MACF1: variants seen among roughly 807,000 people sequenced by gnomAD.
MACF1 encodes microtubule-actin cross-linking factor 1.
In MACF1, 193 loss-of-function variants were observed where a neutral mutation model predicts 854.8. The observed-to-expected ratio is 0.23, with a 90% CI of 0.20 to 0.25. The LOEUF (loss-of-function observed/expected upper bound fraction) is 0.25. Among genes scored for constraint, MACF1 ranks in the 10% least tolerant of loss-of-function variants. The probability of loss-of-function intolerance (pLI) is 1.00; values close to 1 mark genes in which losing one functional copy is unlikely to be tolerated. For synonymous variants in MACF1, 3,185 were observed against 3,226.7 expected, an observed-to-expected ratio of 0.99 and a Z score of 0.44; for missense variants, 7,722 against 8,929.1, an observed-to-expected ratio of 0.86 and a Z score of 5.45.
intron 2 of MACF1, among the ~76,000 whole-genome samples, chr1:39,117,808 G>A (rs1376627907): frequency 6.6e-6 from 1 of 152,188 alleles, no homozygotes; most frequent in Non-Finnish European, 1.5e-5. Context: ...AATAAAGAAT[G>A]TGTAAGCGGT....
Position 39,332,562 on chromosome 1 carries a change from C to T in MACF1, c.5974C>T (p.Leu1992=), listed in dbSNP as rs749622327. Residue 1992 remains leucine (L), a synonymous_variant, in exon 37 of 101, where the codon CTA becomes TTA. Coordinates refer to ENST00000564288, the MANE Select transcript of MACF1 (RefSeq NM_001394062.1). ...GTTAGATAAAGAGCTGATGGAGACA[C>T]TAACATCCAGAGATGAGTATCAAAC... The part of the protein sequence containing the change: ...LLLDKELMET[L]TSRDEYQTSP... 6.2e-6 allele frequency: 10 copies of T among 1,613,996 alleles called. No homozygotes were observed. The Admixed American group carries it at 1.5e-4, about 24-fold the overall frequency.
In MACF1 at chr1:39,432,589, C is replaced by T; in HGVS notation, c.17392C>T (p.Leu5798=). The T allele has an allele frequency of 6.2e-7, 1 of 1,614,084 alleles. No homozygotes were observed. Among genetic ancestry groups the T allele is most frequent in the Non-Finnish European group, 8.5e-7 (1 of 1,179,982 alleles). Residue 5798 remains leucine (L), a synonymous_variant, in exon 67 of 101, where the codon CTG becomes TTG. Transcript: ENST00000564288. ...TTGGGTTGCTGAAACAAAACGGAAA[C>T]TGATGGCTCTGGGTCCAATTCGCCT... ...LAWVAETKRK[L]MALGPIRLEQ...
chr1:39,097,973 G>A (rs956661667), intron 2 of MACF1, among the ~76,000 whole-genome samples: 1 of 152,034 alleles, frequency 6.6e-6, no homozygotes, highest in Non-Finnish European at 1.5e-5. Flanking sequence ...GTGAAGAGAA[G>A]TTTCATAGAT....
Position 39,456,312 on chromosome 1 carries a change from C to T in MACF1, c.21075+1215C>T, listed in dbSNP as rs1467248772. 9.9e-5 allele frequency among the ~76,000 whole-genome samples: 15 copies of T among 152,132 alleles called. No individual in the cohort carries two copies. In the East Asian group the frequency reaches 1.5e-3, roughly 16 times the overall value. ...TCGCACCATTGCACTCCAGCCTGGG[C>T]GACAGAGCAAGACTCCATTTCAAAA... On this transcript the variant is annotated intron_variant, in intron 89 of 100. Coordinates refer to ENST00000564288, the MANE Select transcript of MACF1 (RefSeq NM_001394062.1).
chr1:39,345,297 A>G (rs1400701001), intron 40 of MACF1, among the ~76,000 whole-genome samples: 1 of 152,232 alleles, frequency 6.6e-6, no homozygotes, highest in Admixed American at 6.5e-5. Context: ...AATAGTATAA[A>G]CAGCATCATT....
intron 2 of MACF1, among the ~76,000 whole-genome samples, chr1:39,111,297 A>G (rs1448029389): frequency 1.3e-5 from 2 of 152,128 alleles, no homozygotes; most frequent in Non-Finnish European, 2.9e-5. Flanking sequence ...CCGGGCTCAC[A>G]TGATCCTCCC....
intron 1 of MACF1, among the ~76,000 whole-genome samples, chr1:39,220,210 C>T (rs1254307542): frequency 6.6e-6 from 1 of 152,142 alleles, no homozygotes. Flanking sequence ...GAGTCTTGCT[C>T]TATTGCCCAG....
At chr1:39,462,805 C>G (rs1455199480) in intron 93 of MACF1, among the ~76,000 whole-genome samples, 1 of 152,082 alleles carries the variant, frequency 6.6e-6, no homozygotes, top group Admixed American at 6.5e-5. Context: ...TAAGAACTAC[C>G]ACATTGAAAC....
At position 39,333,834 on chromosome 1, in the gene MACF1, C is replaced by T. The variant is rs767522909; in HGVS notation, c.7246C>T (p.Arg2416Ter). 2.2e-5 allele frequency: 35 copies of T among 1,613,954 alleles called. No individual in the cohort carries two copies. Among genetic ancestry groups the T allele is most frequent in the South Asian group, 3.3e-5 (3 of 91,082 alleles). Residue 2416 changes from arginine (R) to a stop codon, truncating the protein, a stop_gained, in exon 37 of 101, where the codon CGA (arginine) becomes TGA (stop). Coordinates refer to ENST00000564288, the MANE Select transcript of MACF1 (RefSeq NM_001394062.1). LOFTEE classifies it high-confidence loss of function. ...GACTGGTGGAATTATTGATCTGAAA[C>T]GAGGCAAAAAAGTTTCAGTAACTTT... Reference protein sequence around the residue: ...VVTGGIIDLKRGKKVSVTLAS... With the variant: ...VVTGGIIDLK
At chr1:39,286,639 G>C (rs1645649899) in intron 14 of MACF1, among the ~76,000 whole-genome samples, 1 of 151,694 alleles carries the variant, frequency 6.6e-6, no homozygotes, top group Admixed American at 6.6e-5. Flanking sequence ...GCTAATTTTT[G>C]TATTTTTAGT....
intron 26 of MACF1, among the ~76,000 whole-genome samples, chr1:39,312,771 G>A (rs967409039): frequency 6.6e-6 from 1 of 150,764 alleles, no homozygotes; most frequent in African/African-American, 2.4e-5. Context: ...GTTGCAGTGA[G>A]CCGAGATCAC....
intron 49 of MACF1, 99 bp downstream of exon 49, chr1:39,361,776 G>A: frequency 9.2e-7 from 1 of 1,083,764 alleles, no homozygotes; most frequent in Non-Finnish European, 1.4e-6. Context: ...CAGTATACTG[G>A]AAACTACCTG....
intron 58 of MACF1, among the ~76,000 whole-genome samples, chr1:39,405,081 T>C (rs1642643405): frequency 6.6e-6 from 1 of 152,216 alleles, no homozygotes; most frequent in African/African-American, 2.4e-5. Flanking sequence ...TGAGAGTTCC[T>C]GCAGAGTGTG....
intron 40 of MACF1, among the ~76,000 whole-genome samples, chr1:39,345,072 T>C (rs554341756): frequency 2.6e-5 from 4 of 152,188 alleles, no homozygotes; most frequent in Non-Finnish European, 5.9e-5. Context: ...CCTTTCTGCC[T>C]GTTCTGCAGG....
Position 39,359,272 on chromosome 1 carries a change from G to A in MACF1, c.12244+8G>A. 6 of 1,614,020 alleles carry A rather than the reference G, an allele frequency of 3.7e-6. No individual in the cohort carries two copies. The highest frequency in any genetic ancestry group is 5.1e-6 in the Non-Finnish European group (6 of 1,179,982). On this transcript the variant is annotated splice_region_variant and intron_variant, in intron 47 of 100. Transcript: ENST00000564288. Reference sequence around the variant, plus strand: ...ATGTTCAAGAAACTACAGGTATAAAGCAGCAACAGTATAATAGTACTCCCT... The same window carrying A: ...ATGTTCAAGAAACTACAGGTATAAAACAGCAACAGTATAATAGTACTCCCT...
chr1:39,439,529 A>G (rs1386840682), intron 72 of MACF1, 29 bp downstream of exon 72: 11 of 1,568,718 alleles, frequency 7.0e-6, no homozygotes, highest in Non-Finnish European at 9.6e-6. Flanking sequence ...CCTTTTTCTT[A>G]GGTGTCTGTC....
At chr1:39,085,320 T>C (rs1641644255) in intron 2 of MACF1, among the ~76,000 whole-genome samples, 1 of 152,224 alleles carries the variant, frequency 6.6e-6, no homozygotes, top group African/African-American at 2.4e-5. Flanking sequence ...CATCCACAGC[T>C]GCCTCCCTGA....
chr1:39,299,631 C>T (rs746042673), intron 21 of MACF1, among the ~76,000 whole-genome samples: 58 of 152,174 alleles, frequency 3.8e-4, no homozygotes, highest in Non-Finnish European at 6.8e-4. Context: ...AATCATTTGT[C>T]ATGATACCTT....
intron 41 of MACF1, among the ~76,000 whole-genome samples, chr1:39,348,122 A>G (rs1449344134): frequency 1.3e-5 from 2 of 152,212 alleles, no homozygotes; most frequent in Non-Finnish European, 2.9e-5. Context: ...TAAGGGAATT[A>G]GGGTAGTTGG....
Sources: gnomAD v4.1 joint callset for allele counts (sites outside exome capture counted in the v4.1 genomes callset) on GRCh38, gnomAD v4.1.1 for gene constraint, MANE v1.5 for transcripts, NCBI Gene and HGNC (gene_info 2026-07-23, HGNC 2026-07-21) for gene names.